USP39: variants seen among roughly 807,000 people sequenced by gnomAD.
USP39 encodes ubiquitin specific peptidase 39.
Under a neutral mutation model 66.4 loss-of-function variants are expected in USP39, and 38 were observed. The ratio of observed to expected loss-of-function variants is 0.57; its 90% CI spans 0.44 to 0.75. The LOEUF (loss-of-function observed/expected upper bound fraction) is 0.75. Among genes scored for constraint, USP39 ranks in the 30% least tolerant of loss-of-function variants. USP39 has a pLI of 0.00. For synonymous variants in USP39, 303 were observed against 274.6 expected (o/e 1.10, Z -1.02); for missense variants, 608 against 714.4 (o/e 0.85, Z 1.70).
upstream of USP39, chr2:85,611,802 C>T (rs2104168588): frequency 6.2e-7 from 1 of 1,609,852 alleles, no homozygotes; most frequent in East Asian, 2.2e-5. Flanking sequence ...GGGAGCCGAG[C>T]GGGAGTCAGG....
In USP39 at chr2:85,616,411, G is replaced by A; in HGVS notation, c.216G>A (p.Val72=). The change falls in exon 1 of 13, where the codon GTG becomes GTA. Residue 72 remains valine (V), a synonymous_variant. Transcript: ENST00000323701. ...CTTCTGTTGTCCCGTTTGTGCGGGT[G>A]AAGCGGGAGCGCGAGGTCGATGAGG... ...APASVVPFVR[V]KREREVDEDS... 6.3e-7 allele frequency: 1 copy of A among 1,599,962 alleles called. No individual in the cohort carries two copies. The highest frequency in any genetic ancestry group is 1.3e-5 in the African/African-American group (1 of 74,186).
At chr2:85,625,359 C>T (rs552486650) in intron 4 of USP39, among the ~76,000 whole-genome samples, 180 bp from the exon 5 acceptor site, 36 of 152,306 alleles carry the variant, frequency 2.4e-4, no homozygotes, top group African/African-American at 8.4e-4. Flanking sequence ...TGTAGATTAG[C>T]CATGGGAGAG....
At chr2:85,623,910 C>A in intron 4 of USP39, 128 bp downstream of exon 4, 1 of 1,109,432 alleles carries the variant, frequency 9.0e-7, no homozygotes, top group Non-Finnish European at 1.3e-6. Context: ...GCTGCTTTCT[C>A]TTTTGGGAAG....
chr2:85,644,883 A>G (rs1446573651), intron 10 of USP39, 65 bp from the exon 11 acceptor site: 1 of 1,600,002 alleles, frequency 6.2e-7, no homozygotes, highest in Non-Finnish European at 8.5e-7. Flanking sequence ...CCGTTTGTGT[A>G]GGACAGTTTC....
At chr2:85,635,603 G>T (rs1438499821) in intron 6 of USP39, among the ~76,000 whole-genome samples, 1 of 152,036 alleles carries the variant, frequency 6.6e-6, no homozygotes, top group Non-Finnish European at 1.5e-5. Flanking sequence ...TGAGTGGCAG[G>T]TTCCGTAGAC....
chr2:85,612,820 C>T (rs1673650484), upstream of USP39, among the ~76,000 whole-genome samples: 1 of 151,892 alleles, frequency 6.6e-6, no homozygotes, highest in Admixed American at 6.6e-5. Context: ...GCCACCACGC[C>T]CGGCTAAGTT....
rs1422924028 is a variant in USP39 at position 85,636,062 on chromosome 2, T to C, written c.959T>C (p.Val320Ala). 1 of 1,614,048 alleles carries C rather than the reference T, an allele frequency of 6.2e-7. No individual in the cohort carries two copies. Among genetic ancestry groups the C allele is most frequent in the East Asian group, 2.2e-5 (1 of 44,892 alleles). The stretch of plus-strand genomic sequence containing the variant: ...CTTCCTTTTTTTCCAGGAGATGGCG[T>C]TGACTTTCTGTCTTGGTTTCTGAAT... Reference protein sequence around the residue: ...TFQITKQGDGVDFLSWFLNAL... With the variant: ...TFQITKQGDGADFLSWFLNAL... The change falls in exon 7 of 13, where the codon GTT (valine) becomes GCT (alanine). Residue 320 changes from valine to alanine, a missense_variant. By Grantham distance (64) the Val-to-Ala change is moderately conservative. Around this residue, in one of 6 missense-constraint regions of USP39, gnomAD observed 72 missense variants for 60.1 expected, o/e 1.20. Coordinates refer to ENST00000323701, the MANE Select transcript of USP39 (RefSeq NM_006590.4).
intron 5 of USP39, among the ~76,000 whole-genome samples, chr2:85,625,965 C>T (rs1157309865): frequency 6.6e-6 from 1 of 151,954 alleles, no homozygotes; most frequent in Admixed American, 6.6e-5. Context: ...TTATAGTGAC[C>T]CGAGATCGCG....
At chr2:85,634,161 G>C (rs957594521) in intron 6 of USP39, among the ~76,000 whole-genome samples, 4 of 151,900 alleles carry the variant, frequency 2.6e-5, no homozygotes, top group African/African-American at 9.7e-5. Flanking sequence ...AAGAGTCTCT[G>C]GTACTTAAGG....
Position 85,644,941 on chromosome 2 carries a change from T to C in USP39, c.1428-7T>C, listed in dbSNP as rs749076264. The C allele has an allele frequency of 3.1e-6, 5 of 1,613,996 alleles. No homozygotes were observed. The highest frequency in any genetic ancestry group is 4.2e-6 in the Non-Finnish European group (5 of 1,179,946). ...GATTATTCCGGCTTTATTTTAACCA[T>C]TAACAGAAATGTGGATCTGAGAGAA... On this transcript the variant is annotated splice_polypyrimidine_tract_variant and splice_region_variant and intron_variant, in intron 10 of 12. Coordinates refer to ENST00000323701, the MANE Select transcript of USP39 (RefSeq NM_006590.4).
At chr2:85,633,640 T>C (rs1377520147) in intron 6 of USP39, among the ~76,000 whole-genome samples, 1 of 151,936 alleles carries the variant, frequency 6.6e-6, no homozygotes, top group Non-Finnish European at 1.5e-5. Flanking sequence ...TGGTGGCATG[T>C]ACCTGTAGTC....
chr2:85,647,489 C>T (rs1676729171), intron 11 of USP39, among the ~76,000 whole-genome samples: 1 of 150,128 alleles, frequency 6.7e-6, no homozygotes, highest in South Asian at 2.1e-4. Flanking sequence ...CACAGTGGGA[C>T]CCCATTGCTA....
In USP39 at chr2:85,644,924, C is replaced by T. The variant is rs750102778; in HGVS notation, c.1428-24C>T. The T allele has an allele frequency of 3.8e-5, 62 of 1,612,974 alleles. 1 individual carries two copies. Among genetic ancestry groups the T allele is most frequent in the Admixed American group, 5.0e-5 (3 of 59,904 alleles). ...CCTCACAGCCTTTGTCTGATTATTC[C>T]GGCTTTATTTTAACCATTAACAGAA... On this transcript the variant is annotated intron_variant, in intron 10 of 12. Transcript: ENST00000323701.
rs1385536651 is a variant in USP39 at position 85,641,009 on chromosome 2, C to T, written c.1318C>T (p.Arg440Cys). 8.1e-6 allele frequency: 13 copies of T among 1,612,158 alleles called. No homozygotes were observed. Among genetic ancestry groups the T allele is most frequent in the African/African-American group, 4.0e-5 (3 of 74,768 alleles). The change falls in exon 10 of 13, where the codon CGC (arginine) becomes TGC (cysteine). Residue 440 changes from arginine (R) to cysteine (C), a missense_variant. This residue lies in a region of USP39 where 164 missense variants were observed against 250.3 expected (regional missense o/e 0.66). Transcript: ENST00000323701. ...YKTYKENFLK[R>C]FQLTKLPPYL... ...GACTTACAAGGAGAACTTTCTGAAG[C>T]GCTTCCAGCTTACCAAGTTGCCTCC...
upstream of USP39, among the ~76,000 whole-genome samples, chr2:85,615,464 C>T (rs2104196404): frequency 6.6e-6 from 1 of 152,276 alleles, no homozygotes; most frequent in East Asian, 1.9e-4. Flanking sequence ...CGGGCATTTG[C>T]GTTTTCATGG....
upstream of USP39, chr2:85,611,338 G>A (rs550343745): frequency 5.5e-4 from 788 of 1,438,112 alleles, 9 homozygotes; most frequent in South Asian, 4.5e-3. Context: ...CCGCAATTAT[G>A]TGCTGGTCGC....
At chr2:85,604,509 G>A (rs1445303122) in intron 1 of USP39, among the ~76,000 whole-genome samples, 2 of 152,222 alleles carry the variant, frequency 1.3e-5, no homozygotes, top group Non-Finnish European at 2.9e-5. Context: ...ACCGTGCCCA[G>A]CGGGAGAGCC....
At chr2:85,617,668 C>A (rs368241918) in intron 1 of USP39, among the ~76,000 whole-genome samples, 3 of 152,174 alleles carry the variant, frequency 2.0e-5, no homozygotes, top group Non-Finnish European at 2.9e-5. Flanking sequence ...GTTAATGGTT[C>A]AGATTCTCTA....
intron 5 of USP39, among the ~76,000 whole-genome samples, chr2:85,630,070 A>G (rs1414014378): frequency 6.6e-6 from 1 of 152,124 alleles, no homozygotes; most frequent in Non-Finnish European, 1.5e-5. Context: ...CCATCACCCA[A>G]GCAGTGTATA....
Sources: allele counts gnomAD v4.1 joint callset (sites outside exome capture counted in the v4.1 genomes callset), GRCh38; gene constraint gnomAD v4.1.1; regional missense constraint gnomAD v4.1.1; transcripts MANE v1.5; gene names NCBI Gene and HGNC (gene_info 2026-07-23, HGNC 2026-07-21).